The following CEMIP variants were observed in gnomAD, a reference collection of about 807,000 sequenced individuals.
CEMIP encodes cell migration-inducing and hyaluronan-binding protein.
Under a neutral mutation model 156.9 loss-of-function variants are expected in CEMIP, and 105 were observed. That is an observed-to-expected ratio of 0.67 (90% CI 0.57 to 0.79). The LOEUF is 0.79. Ranked by LOEUF, CEMIP falls within the 30% of genes least tolerant of loss-of-function variation. The pLI is 0.00. For synonymous variants in CEMIP, 676 were observed against 668.4 expected (o/e 1.01, Z -0.17); for missense variants, 1,457 against 1,769.4 (o/e 0.82, Z 3.17).
chr15:80,854,828 A>T (rs765135392), intron 1 of CEMIP, among the ~76,000 whole-genome samples: 1 of 152,194 alleles, frequency 6.6e-6, no homozygotes, highest in African/African-American at 2.4e-5. Context: ...GTAAAATATA[A>T]TGAAGCCATA....
At chr15:80,828,807 A>G (rs1431385374) in intron 1 of CEMIP, among the ~76,000 whole-genome samples, 1 of 152,202 alleles carries the variant, frequency 6.6e-6, no homozygotes, top group Non-Finnish European at 1.5e-5. Context: ...AGGCTTTGGA[A>G]CAGGTCTCCA....
chr15:80,788,361 C>T (rs1895993507), intron 1 of CEMIP, among the ~76,000 whole-genome samples: 2 of 151,526 alleles, frequency 1.3e-5, no homozygotes, highest in Middle Eastern at 3.4e-3. Flanking sequence ...ATCCCAGCTA[C>T]TCCGGAGGCT....
chr15:80,879,973 C>A, intron 5 of CEMIP, 119 bp downstream of exon 5: 1 of 1,132,192 alleles, frequency 8.8e-7, no homozygotes, highest in Non-Finnish European at 1.3e-6. Flanking sequence ...ATCATTCTGT[C>A]CTGCCAGATG....
At chr15:80,870,943 G>C (rs779837122) in intron 1 of CEMIP, among the ~76,000 whole-genome samples, 2 of 152,148 alleles carry the variant, frequency 1.3e-5, no homozygotes, top group Non-Finnish European at 2.9e-5. Flanking sequence ...TGAGGACAGC[G>C]GTCAACCAGT....
At chr15:80,814,225 A>G (rs948154943) in intron 1 of CEMIP, among the ~76,000 whole-genome samples, 1 of 151,366 alleles carries the variant, frequency 6.6e-6, no homozygotes, top group Non-Finnish European at 1.5e-5. Flanking sequence ...ATTTTTTTGT[A>G]TTTTTAGTAG....
chr15:80,838,220 A>G (rs970079381), intron 1 of CEMIP, among the ~76,000 whole-genome samples: 1 of 152,110 alleles, frequency 6.6e-6, no homozygotes, highest in African/African-American at 2.4e-5. Flanking sequence ...AGTCATTCAT[A>G]GGGACTCCAC....
rs950652945 is a variant in CEMIP, at chr15:80,793,983, G to A, written c.-176+14369G>A. Among the ~76,000 whole-genome samples the A allele has an allele frequency of 3.3e-5, 5 of 152,334 alleles. 1 individual carries two copies. On this transcript the variant is annotated intron_variant, in intron 1 of 29. Transcript: ENST00000394685. ...AACTTAAGTAGAATGCTTTTGTCAA[G>A]TTGTTTTTGTTATTTATGATTTTAT...
chr15:80,800,784 G>T lies in CEMIP; in HGVS notation c.-176+21170G>T, dbSNP rs546928165. On this transcript the variant is annotated intron_variant, in intron 1 of 29. Transcript: ENST00000394685. ...CTCTGTTCATATTTGAAATATTTCA[G>T]TACTCGATGTAGGGGCAAAAACATT... Among the ~76,000 whole-genome samples the T allele has an allele frequency of 8.5e-5, 13 of 152,296 alleles. No homozygotes were observed. The South Asian group carries it at 2.5e-3, about 29-fold the overall frequency.
intron 1 of CEMIP, among the ~76,000 whole-genome samples, chr15:80,795,788 G>T (rs1896208770): frequency 6.6e-6 from 1 of 152,106 alleles, no homozygotes; most frequent in Non-Finnish European, 1.5e-5. Context: ...GGAATTGCCA[G>T]GTGCTGTGGC....
In CEMIP at chr15:80,844,204, G is replaced by C. The variant is rs139013670; in HGVS notation, c.-175-29334G>C. ...TCCGGAGCAGCTGGTCAGTGGGCGT[G>C]GAGCTCCTGCTTGTGTGCCCCCACC... is the stretch of plus-strand genomic sequence containing the variant. On this transcript the variant is annotated intron_variant, in intron 1 of 29. Transcript: ENST00000394685. Among the ~76,000 whole-genome samples, 677 of 152,332 alleles carry C rather than the reference G, an allele frequency of 4.4e-3. 5 individuals carry two copies. Among genetic ancestry groups the C allele is most frequent in the Middle Eastern group, 0.014 (4 of 294 alleles).
intron 1 of CEMIP, among the ~76,000 whole-genome samples, chr15:80,843,070 A>C (rs1897465065): frequency 6.6e-6 from 1 of 152,244 alleles, no homozygotes; most frequent in South Asian, 2.1e-4. Context: ...CTGGTGGGAC[A>C]ACCAGGTAGA....
At chr15:80,901,267 T>C (rs763222325) in intron 12 of CEMIP, among the ~76,000 whole-genome samples, 11 of 152,152 alleles carry the variant, frequency 7.2e-5, no homozygotes, top group Non-Finnish European at 1.5e-4. Flanking sequence ...CCTAATACAG[T>C]AGGGGCTACT....
chr15:80,856,072 A>G (rs1395052000), intron 1 of CEMIP, among the ~76,000 whole-genome samples: 2 of 152,230 alleles, frequency 1.3e-5, no homozygotes, highest in Non-Finnish European at 2.9e-5. Context: ...AAGTGAATCT[A>G]TGGAATGTTT....
chr15:80,933,942 A>C (rs1016464781), intron 23 of CEMIP, among the ~76,000 whole-genome samples: 3 of 152,228 alleles, frequency 2.0e-5, no homozygotes, highest in African/African-American at 7.2e-5. Flanking sequence ...ACAGAATTTA[A>C]TTTTAATAAT....
chr15:80,935,245 A>G (rs1191886368), intron 23 of CEMIP, among the ~76,000 whole-genome samples: 1 of 152,196 alleles, frequency 6.6e-6, no homozygotes, highest in African/African-American at 2.4e-5. Flanking sequence ...GATGGAGGAC[A>G]GTCATGTCCT....
At chr15:80,908,031 T>C (rs1197913315) in intron 13 of CEMIP, among the ~76,000 whole-genome samples, 1 of 152,214 alleles carries the variant, frequency 6.6e-6, no homozygotes, top group African/African-American at 2.4e-5. Context: ...TTATAGGATT[T>C]CTATCATCCC....
intron 1 of CEMIP, among the ~76,000 whole-genome samples, chr15:80,837,243 G>A (rs376836637): frequency 6.6e-6 from 1 of 152,222 alleles, no homozygotes; most frequent in South Asian, 2.1e-4. Context: ...AGATGGGGGA[G>A]AGTGATGTCA....
At position 80,911,651 on chromosome 15, in the gene CEMIP, C is replaced by T. The variant is rs116482594; in HGVS notation, c.1797+2345C>T. On this transcript the variant is annotated intron_variant, in intron 14 of 29. Coordinates refer to ENST00000394685, the MANE Select transcript of CEMIP (RefSeq NM_001293298.2). ...CAGGCAGGTCTTCAGTTTCCTCACA[C>T]GTGCTGTGGAGAATGTGATGGCTTC... 6.9e-3 allele frequency among the ~76,000 whole-genome samples: 1,056 copies of T among 152,342 alleles called. 9 individuals are homozygous for T. Among genetic ancestry groups the T allele is most frequent in the African/African-American group, 0.024 (1,005 of 41,566 alleles).
At position 80,933,438 on chromosome 15, in the gene CEMIP, T is replaced by C. The variant is rs1218536995; in HGVS notation, c.2987T>C (p.Ile996Thr). The C allele has an allele frequency of 6.2e-7, 1 of 1,614,080 alleles. No homozygotes were observed. The change falls in exon 23 of 30, where the codon ATT (isoleucine) becomes ACT (threonine). Residue 996 changes from isoleucine to threonine, a missense_variant. Transcript: ENST00000394685. ...CINVPDWRGAICSGCYAQMYI... is the reference protein window; with the variant it reads ...CINVPDWRGATCSGCYAQMYI... ...AATGTTCCCGACTGGAGAGGGGCCATTTGCAGTGGGTGCTATGCACAGGTG... is the reference window on the plus strand; with the variant it reads ...AATGTTCCCGACTGGAGAGGGGCCACTTGCAGTGGGTGCTATGCACAGGTG...
Sources: allele counts gnomAD v4.1 joint callset (sites outside exome capture counted in the v4.1 genomes callset), GRCh38; gene constraint gnomAD v4.1.1; transcripts MANE v1.5; gene names NCBI Gene and HGNC (gene_info 2026-07-23, HGNC 2026-07-21).